SRRM3: variants seen among roughly 807,000 people sequenced by gnomAD.
The protein encoded by SRRM3 is serine/arginine repetitive matrix 3.
Under a neutral mutation model 66.2 loss-of-function variants are expected in SRRM3, and 27 were observed. The observed-to-expected ratio is 0.41, with a 90% CI of 0.30 to 0.56. The LOEUF (loss-of-function observed/expected upper bound fraction) is 0.56, where lower values mean the gene tolerates loss of function less well. Ranked by LOEUF, SRRM3 falls within the 20% of genes least tolerant of loss-of-function variation. The probability of loss-of-function intolerance (pLI) is 0.32; values close to 1 mark genes in which losing one functional copy is unlikely to be tolerated. For synonymous variants in SRRM3, 391 were observed against 414.9 expected, an observed-to-expected ratio of 0.94 and a Z score of 0.70; for missense variants, 918 against 991.9, an observed-to-expected ratio of 0.93 and a Z score of 1.00.
chr7:76,257,080 C>G (rs1801731811), intron 3 of SRRM3, among the ~76,000 whole-genome samples: 1 of 152,148 alleles, frequency 6.6e-6, no homozygotes, highest in South Asian at 2.1e-4. Flanking sequence ...TGCTGACCTC[C>G]TATCTCATCC....
At chr7:76,281,379 GTC>G (rs1209792662) in intron 11 of SRRM3, 60 bp from the exon 12 acceptor site, 3 of 1,132,016 alleles carry the variant, frequency 2.7e-6, no homozygotes, top group African/African-American at 3.3e-5. Flanking sequence ...TTCTCTCTCT[GTC>G]TCTGTCTCTC....
chr7:76,260,516 C>T (rs1801836549), intron 5 of SRRM3, among the ~76,000 whole-genome samples: 1 of 147,916 alleles, frequency 6.8e-6, no homozygotes. Flanking sequence ...GGACCCGCCC[C>T]TCATCGAGGT....
intron 11 of SRRM3, among the ~76,000 whole-genome samples, chr7:76,276,197 A>G (rs1330219794): frequency 6.6e-6 from 1 of 152,098 alleles, no homozygotes; most frequent in Non-Finnish European, 1.5e-5. Context: ...GAGGTCCCTG[A>G]TTCACTCACT....
chr7:76,268,131 C>T (rs1802121526), intron 11 of SRRM3: 1 of 151,926 alleles, frequency 6.6e-6, no homozygotes, highest in Non-Finnish European at 1.5e-5. Flanking sequence ...AGACCCCACA[C>T]CAACACCCCC....
At chr7:76,214,130 C>G (rs936848595) in intron 1 of SRRM3, among the ~76,000 whole-genome samples, 1 of 152,092 alleles carries the variant, frequency 6.6e-6, no homozygotes. Context: ...CCTTTTCCCT[C>G]CTCCACCATG....
chr7:76,276,790 T>C (rs1318922376), intron 11 of SRRM3, among the ~76,000 whole-genome samples: 1 of 152,112 alleles, frequency 6.6e-6, no homozygotes, highest in African/African-American at 2.4e-5. Context: ...GAGAAGGACA[T>C]GAGAGGTGCC....
At position 76,252,215 on chromosome 7, in the gene SRRM3, T is replaced by A. The variant is rs10235553; in HGVS notation, c.335+3926T>A. Among the ~76,000 whole-genome samples the A allele has an allele frequency of 3.6e-3, 554 of 152,292 alleles. 2 individuals are homozygous for A. Among genetic ancestry groups the A allele is most frequent in the African/African-American group, 0.013 (538 of 41,554 alleles). The stretch of plus-strand genomic sequence containing the variant: ...AAGGGGATGAGTGAGCTGGAAGACC[T>A]CATGCTGGCTTACATCTCCAGCAGG... On this transcript the variant is annotated intron_variant, in intron 3 of 14. Coordinates refer to ENST00000611745, the MANE Select transcript of SRRM3 (RefSeq NM_001110199.3).
chr7:76,271,052 C>A (rs1554610482), intron 11 of SRRM3, among the ~76,000 whole-genome samples: 1 of 152,108 alleles, frequency 6.6e-6, no homozygotes, highest in African/African-American at 2.4e-5. Flanking sequence ...TTTGTTGGCC[C>A]ATCCCAGGTG....
At chr7:76,283,772 G>T (rs1318096092) in intron 14 of SRRM3, 1 of 985,300 alleles carries the variant, frequency 1.0e-6, no homozygotes, top group African/African-American at 1.7e-5. Flanking sequence ...CCAGGGCGTG[G>T]CTGGTGAAGC....
intron 1 of SRRM3, among the ~76,000 whole-genome samples, chr7:76,234,579 GTGCCAC>G (rs1367939031): frequency 6.6e-6 from 1 of 152,118 alleles, no homozygotes; most frequent in Non-Finnish European, 1.5e-5. Context: ...TGTAATCTGT[GTGCCAC>G]TGGACAGAGC....
chr7:76,241,157 A>G (rs1206337005), intron 2 of SRRM3, among the ~76,000 whole-genome samples: 3 of 152,178 alleles, frequency 2.0e-5, no homozygotes, highest in Non-Finnish European at 4.4e-5. Context: ...TCGGCCTCCC[A>G]AAGTACTGAG....
In SRRM3 at chr7:76,235,317, C is replaced by A; in HGVS notation, c.233+18C>A. On this transcript the variant is annotated intron_variant, in intron 2 of 14. Coordinates refer to ENST00000611745, the MANE Select transcript of SRRM3 (RefSeq NM_001110199.3). The stretch of plus-strand genomic sequence containing the variant: ...GAGCAGGGGTGAGCAGGCCGCGGGG[C>A]GGGACTGGGGTGGGGAGATAGGCGG... The A allele has an allele frequency of 9.5e-7, 1 of 1,055,550 alleles. No individual in the cohort carries two copies. 65.4% of individuals were successfully genotyped at this position (1,055,550 alleles called of 1,614,324 possible).
intron 1 of SRRM3, among the ~76,000 whole-genome samples, chr7:76,209,183 G>A (rs987761370): frequency 6.6e-6 from 1 of 152,150 alleles, no homozygotes; most frequent in Non-Finnish European, 1.5e-5. Context: ...CTATACAATC[G>A]ACATTTAATG....
chr7:76,260,252 C>G (rs1368626570), intron 5 of SRRM3, 55 bp downstream of exon 5: 2 of 1,359,268 alleles, frequency 1.5e-6, no homozygotes, highest in African/African-American at 1.5e-5. Flanking sequence ...GGTCTCTCCC[C>G]GGATGCCCGT....
intron 2 of SRRM3, among the ~76,000 whole-genome samples, chr7:76,236,533 C>T (rs1386013140): frequency 6.6e-6 from 1 of 152,162 alleles, no homozygotes; most frequent in Admixed American, 6.5e-5. Flanking sequence ...TTGTCCACCC[C>T]AGGCCTCCTG....
intron 3 of SRRM3, among the ~76,000 whole-genome samples, chr7:76,256,621 C>T (rs539531264): frequency 6.6e-6 from 1 of 152,044 alleles, no homozygotes; most frequent in East Asian, 1.9e-4. Context: ...TTATTCGTGC[C>T]TCCCCTTTCT....
chr7:76,266,376 A>G (rs1264499462), intron 10 of SRRM3, among the ~76,000 whole-genome samples: 3 of 114,062 alleles, frequency 2.6e-5, no homozygotes, highest in African/African-American at 1.1e-4. Flanking sequence ...TCATATAAAT[A>G]ATATATTTAA....
intron 11 of SRRM3, among the ~76,000 whole-genome samples, chr7:76,280,583 G>A (rs1410334280): frequency 9.6e-5 from 4 of 41,476 alleles, no homozygotes; most frequent in Admixed American, 4.7e-4. Context: ...GCCCCCCACC[G>A]CTCCGTCCCT....
Position 76,260,197 on chromosome 7 carries a change from G to A in SRRM3, c.545G>A (p.Arg182His). The change falls in exon 5 of 15, where the codon CGC becomes CAC. Residue 182 changes from arginine to histidine, a missense_variant and splice_region_variant. Physicochemically the swap from Arg to His is conservative, Grantham distance 29 (BLOSUM62 0). Transcript: ENST00000611745. ...KKKKGGHRRS[R>H]KKRRLESECS... is the part of the protein sequence containing the mutation. ...AAGAAAGGCGGCCACCGGAGAAGCC[G>A]GTGAGAACCGCGCCTGACCGGAGCG... The A allele has an allele frequency of 6.5e-7, 1 of 1,536,350 alleles. No individual in the cohort carries two copies. Among genetic ancestry groups the A allele is most frequent in the Admixed American group, 2.1e-5 (1 of 48,670 alleles).
Sources: allele counts gnomAD v4.1 joint callset (sites outside exome capture counted in the v4.1 genomes callset), GRCh38; gene constraint gnomAD v4.1.1; transcripts MANE v1.5; gene names NCBI Gene and HGNC (gene_info 2026-07-23, HGNC 2026-07-21).